ROBO1: variants seen among roughly 807,000 people sequenced by gnomAD.
ROBO1 encodes the protein roundabout homolog 1.
In ROBO1, 149 loss-of-function variants were observed where a neutral mutation model predicts 195.9. The ratio of observed to expected loss-of-function variants is 0.76; its 90% CI spans 0.67 to 0.87. The LOEUF is 0.87. ROBO1 is among the 40% of genes least tolerant of loss of function. The pLI is 0.00. For synonymous variants in ROBO1, 816 were observed against 733.2 expected (o/e 1.11, Z -1.82); for missense variants, 1,933 against 2,068.3 (o/e 0.93, Z 1.27).
intron 4 of ROBO1, among the ~76,000 whole-genome samples, chr3:78,926,581 T>C (rs1196357028): frequency 6.6e-6 from 1 of 152,060 alleles, no homozygotes; most frequent in East Asian, 1.9e-4. Flanking sequence ...AGAAGCAAGA[T>C]GAAAAGTCGC....
At chr3:79,363,176 C>G (rs539448985) in intron 2 of ROBO1, among the ~76,000 whole-genome samples, 34 of 152,120 alleles carry the variant, frequency 2.2e-4, no homozygotes, top group Admixed American at 2.2e-3. Context: ...TGGATAGGAA[C>G]AGACACAAAG....
At chr3:79,196,493 G>C (rs772114411) in intron 2 of ROBO1, among the ~76,000 whole-genome samples, 2 of 151,626 alleles carry the variant, frequency 1.3e-5, no homozygotes, top group African/African-American at 2.4e-5. Context: ...CCAAATTAGT[G>C]CAGCTAACTA....
At chr3:78,949,075 G>C (rs2040624403) in intron 3 of ROBO1, among the ~76,000 whole-genome samples, 1 of 143,384 alleles carries the variant, frequency 7.0e-6, no homozygotes, top group Non-Finnish European at 1.5e-5. Flanking sequence ...CGTGAAAATG[G>C]CCATACTGCC....
chr3:78,727,305 G>A (rs2082185392), intron 5 of ROBO1, among the ~76,000 whole-genome samples: 1 of 151,962 alleles, frequency 6.6e-6, no homozygotes, highest in South Asian at 2.1e-4. Flanking sequence ...ATAGTCCCAG[G>A]TAGGTAGTGC....
intron 3 of ROBO1, among the ~76,000 whole-genome samples, chr3:79,118,863 CAAA>C (rs532805479): frequency 1.9e-4 from 13 of 69,682 alleles, no homozygotes; most frequent in Middle Eastern, 0.014. Context: ...GACTCCAACT[CAAA>C]AAAAAAAAAA....
intron 17 of ROBO1, among the ~76,000 whole-genome samples, chr3:78,659,164 G>T (rs1174617304): frequency 6.6e-6 from 1 of 152,120 alleles, no homozygotes; most frequent in Non-Finnish European, 1.5e-5. Context: ...ACACTTAAAA[G>T]TACAGAGACT....
At chr3:79,242,712 C>T (rs2082542853) in intron 2 of ROBO1, among the ~76,000 whole-genome samples, 1 of 152,078 alleles carries the variant, frequency 6.6e-6, no homozygotes, top group Admixed American at 6.6e-5. Context: ...AGCTGGTTAG[C>T]AGGGGAGAAA....
At chr3:78,658,792 C>T (rs373400504) in intron 17 of ROBO1, among the ~76,000 whole-genome samples, 1 of 152,146 alleles carries the variant, frequency 6.6e-6, no homozygotes, top group Non-Finnish European at 1.5e-5. Flanking sequence ...GACCCTATAC[C>T]AGGAGCTGAC....
intron 3 of ROBO1, among the ~76,000 whole-genome samples, chr3:79,087,893 A>T (rs1307715569): frequency 1.3e-5 from 2 of 152,128 alleles, no homozygotes; most frequent in Non-Finnish European, 2.9e-5. Context: ...CTTTCTAAAG[A>T]CTTGTTAATT....
At chr3:79,662,724 A>G (rs181368308) in intron 1 of ROBO1, among the ~76,000 whole-genome samples, 11 of 152,080 alleles carry the variant, frequency 7.2e-5, no homozygotes, top group African/African-American at 2.2e-4. Flanking sequence ...CACCATCATC[A>G]TTTGCTCAAC....
At chr3:79,337,340 C>A (rs533748070) in intron 2 of ROBO1, among the ~76,000 whole-genome samples, 2 of 152,096 alleles carry the variant, frequency 1.3e-5, no homozygotes, top group Admixed American at 6.5e-5. Flanking sequence ...AAGGGTGGGA[C>A]GAAGTGGAGA....
At chr3:79,099,773 T>C (rs190027985) in intron 3 of ROBO1, among the ~76,000 whole-genome samples, 6 of 151,944 alleles carry the variant, frequency 3.9e-5, no homozygotes, top group Admixed American at 3.9e-4. Flanking sequence ...TTGCCTTGTT[T>C]GTATATATGT....
chr3:78,766,693 T>A (rs1370933790), intron 4 of ROBO1, among the ~76,000 whole-genome samples: 1 of 152,180 alleles, frequency 6.6e-6, no homozygotes, highest in African/African-American at 2.4e-5. Context: ...CTTGTCTTGT[T>A]CCCGTTCTCA....
intron 3 of ROBO1, among the ~76,000 whole-genome samples, chr3:78,964,847 CT>C (rs1181378568): frequency 4.2e-4 from 59 of 142,090 alleles, no homozygotes; most frequent in Admixed American, 6.4e-4. Context: ...CATTTGAAAC[CT>C]TTTTTTTTTT....
At chr3:79,334,491 T>C (rs1186923044) in intron 2 of ROBO1, among the ~76,000 whole-genome samples, 2 of 151,696 alleles carry the variant, frequency 1.3e-5, no homozygotes, top group Non-Finnish European at 2.9e-5. Context: ...TCTGTGATTA[T>C]TGCGTTCCTA....
intron 8 of ROBO1, among the ~76,000 whole-genome samples, chr3:78,712,975 C>T (rs1169775031): frequency 6.6e-6 from 1 of 152,162 alleles, no homozygotes; most frequent in African/African-American, 2.4e-5. Flanking sequence ...GAGATAGACA[C>T]ACCTTTTCAT....
chr3:79,310,161 G>A (rs2033411432), intron 2 of ROBO1, among the ~76,000 whole-genome samples: 1 of 152,058 alleles, frequency 6.6e-6, no homozygotes, highest in Admixed American at 6.6e-5. Flanking sequence ...TAAAGCTACA[G>A]GACTCCCAAC....
rs546561947 is a variant in ROBO1, at chr3:79,753,575, T to A, written c.-51+14177A>T. 5.3e-5 allele frequency among the ~76,000 whole-genome samples: 8 copies of A among 152,330 alleles called. No homozygotes were observed. The East Asian group carries it at 1.5e-3, about 29-fold the overall frequency. On this transcript the variant is annotated intron_variant, in intron 1 of 30. Transcript: ENST00000464233. ...AGCAGTAAGTGTTCTACAGACATCA[T>A]CTAGAAATATCTTTGCCAATTATTA...
chr3:79,627,261 C>T lies in ROBO1; in HGVS notation c.-50-37300G>A, dbSNP rs552076266. On this transcript the variant is annotated intron_variant, in intron 1 of 30. Coordinates refer to ENST00000464233, the MANE Select transcript of ROBO1 (RefSeq NM_002941.4). ...CCTGACCTCAAACTATACTACAAGGCTATAGTAACCAAAGCAGCATGGTAC... is the reference window on the plus strand; with the variant it reads ...CCTGACCTCAAACTATACTACAAGGTTATAGTAACCAAAGCAGCATGGTAC... Among the ~76,000 whole-genome samples, 7 of 152,250 alleles carry T rather than the reference C, an allele frequency of 4.6e-5. No individual in the cohort carries two copies. In the East Asian group the frequency reaches 1.2e-3, roughly 25 times the overall value.
Sources: gnomAD v4.1 joint callset for allele counts (sites outside exome capture counted in the v4.1 genomes callset) on GRCh38, gnomAD v4.1.1 for gene constraint, MANE v1.5 for transcripts, NCBI Gene and HGNC (gene_info 2026-07-23, HGNC 2026-07-21) for gene names.